The following GRM7 variants were observed in gnomAD, a reference collection of about 807,000 sequenced individuals.
The protein encoded by GRM7 is metabotropic glutamate receptor 7.
Under a neutral mutation model 84.5 loss-of-function variants are expected in GRM7, and 35 were observed. The ratio of observed to expected loss-of-function variants is 0.41; its 90% CI spans 0.32 to 0.55. The LOEUF is 0.55. GRM7 is among the 20% of genes least tolerant of loss of function. The pLI, the probability that GRM7 is intolerant of heterozygous loss-of-function variation, is 0.19. For missense variants in GRM7, 1,003 were observed against 1,194.6 expected (o/e 0.84, Z 2.36); for synonymous variants, 487 against 455.1 (o/e 1.07, Z -0.89).
At chr3:6,923,234 C>T (rs749465425) in intron 1 of GRM7, among the ~76,000 whole-genome samples, 25 of 152,032 alleles carry the variant, frequency 1.6e-4, no homozygotes, top group African/African-American at 2.9e-4. Context: ...AGGCTGGTCT[C>T]GGACTTCTGA....
chr3:7,022,652 G>A (rs1302747881), intron 1 of GRM7, among the ~76,000 whole-genome samples: 4 of 152,118 alleles, frequency 2.6e-5, no homozygotes, highest in Non-Finnish European at 5.9e-5. Flanking sequence ...CATTGTAAAT[G>A]CAATTGTAAA....
chr3:7,083,169 C>T (rs9851388), intron 1 of GRM7, among the ~76,000 whole-genome samples: 70,327 of 151,906 alleles, frequency 0.46, 17,615 homozygotes, highest in African/African-American at 0.67. Context: ...GAAGACTTCA[C>T]TGTTGCCTTA....
intron 2 of GRM7, among the ~76,000 whole-genome samples, chr3:7,295,090 G>A (rs987374045): frequency 5.3e-5 from 8 of 152,054 alleles, no homozygotes; most frequent in African/African-American, 1.9e-4. Flanking sequence ...CAAACCCAAG[G>A]TCATATTGAT....
chr3:7,443,946 TAACA>T (rs1240393727), intron 5 of GRM7, among the ~76,000 whole-genome samples: 2 of 152,108 alleles, frequency 1.3e-5, no homozygotes, highest in African/African-American at 4.8e-5. Flanking sequence ...TTTTCCAAAC[TAACA>T]AACAAAAAAC....
At chr3:7,468,649 C>G (rs1645148585) in intron 7 of GRM7, among the ~76,000 whole-genome samples, 1 of 152,112 alleles carries the variant, frequency 6.6e-6, no homozygotes, top group South Asian at 2.1e-4. Flanking sequence ...ATTATAATCC[C>G]CATGTGTTGA....
chr3:7,076,720 G>A (rs986350759), intron 1 of GRM7, among the ~76,000 whole-genome samples: 1 of 152,094 alleles, frequency 6.6e-6, no homozygotes, highest in South Asian at 2.1e-4. Flanking sequence ...AGATCATGAA[G>A]CTATTAGGTA....
intron 3 of GRM7, among the ~76,000 whole-genome samples, chr3:7,305,107 C>G (rs1333552013): frequency 6.6e-6 from 1 of 152,064 alleles, no homozygotes; most frequent in Non-Finnish European, 1.5e-5. Context: ...GTGACAAACC[C>G]CTAGTTCCCA....
intron 8 of GRM7, among the ~76,000 whole-genome samples, chr3:7,664,186 G>C (rs1343676308): frequency 6.6e-6 from 1 of 152,130 alleles, no homozygotes; most frequent in East Asian, 1.9e-4. Flanking sequence ...TCTTTCCTAT[G>C]GAGTTCAGTG....
intron 8 of GRM7, among the ~76,000 whole-genome samples, chr3:7,610,129 G>A (rs1181556789): frequency 6.6e-6 from 1 of 152,148 alleles, no homozygotes; most frequent in Non-Finnish European, 1.5e-5. Context: ...TAGGGCGCTT[G>A]GAAGAATTCT....
At chr3:7,319,974 A>T (rs1399377892) in intron 4 of GRM7, among the ~76,000 whole-genome samples, 4 of 152,178 alleles carry the variant, frequency 2.6e-5, no homozygotes, top group Admixed American at 2.6e-4. Context: ...CTATCACACC[A>T]GATAGATTCT....
chr3:7,547,374 T>G (rs903339875), intron 7 of GRM7, among the ~76,000 whole-genome samples: 1 of 151,848 alleles, frequency 6.6e-6, no homozygotes, highest in Non-Finnish European at 1.5e-5. Context: ...GCCTGGCTAA[T>G]TTTTTGTATT....
intron 2 of GRM7, among the ~76,000 whole-genome samples, chr3:7,181,849 G>A (rs531571136): frequency 6.6e-6 from 1 of 152,178 alleles, no homozygotes; most frequent in African/African-American, 2.4e-5. Context: ...GAGCTCAAGC[G>A]ATCCTCCCTC....
At chr3:7,603,848 G>A (rs1048095833) in intron 8 of GRM7, among the ~76,000 whole-genome samples, 2 of 152,218 alleles carry the variant, frequency 1.3e-5, no homozygotes, top group Admixed American at 6.5e-5. Flanking sequence ...TGAGAACACA[G>A]GAGGATGTTA....
rs148593633 is a variant in GRM7, at chr3:6,909,153, G to A, written c.519+47246G>A. On this transcript the variant is annotated intron_variant, in intron 1 of 9. Transcript: ENST00000357716. ...TGTTATGGACATACAAGAACATGACGTCTGATTTACCTGTCTCTTCATAAA... is the reference window on the plus strand; with the variant it reads ...TGTTATGGACATACAAGAACATGACATCTGATTTACCTGTCTCTTCATAAA... Among the ~76,000 whole-genome samples the A allele has an allele frequency of 2.4e-4, 37 of 152,174 alleles. No homozygotes were observed. In the East Asian group the frequency reaches 6.6e-3, roughly 27 times the overall value.
rs1699898758 is a variant in GRM7, at chr3:7,298,751, T to C, written c.804T>C (p.Asp268=). 3.7e-6 allele frequency: 6 copies of C among 1,613,630 alleles called. No homozygotes were observed. The highest frequency in any genetic ancestry group is 1.7e-4 in the Middle Eastern group (1 of 6,060). ...QERKDRTIDF[D]RIIKQLLDTP... The stretch of plus-strand genomic sequence containing the variant: ...GCAAAGACAGGACCATTGACTTTGA[T>C]AGAATTATCAAACAGCTCCTGGACA... The change falls in exon 3 of 10, where the codon GAT becomes GAC. Residue 268 remains aspartate (D), a synonymous_variant. Coordinates refer to ENST00000357716, the MANE Select transcript of GRM7 (RefSeq NM_000844.4).
At chr3:6,906,795 T>C (rs1574998896) in intron 1 of GRM7, among the ~76,000 whole-genome samples, 1 of 152,160 alleles carries the variant, frequency 6.6e-6, no homozygotes, top group Admixed American at 6.5e-5. Flanking sequence ...TGAAAGTATC[T>C]CCAGGGTTGA....
At chr3:7,532,587 A>AT (rs1160094028) in intron 7 of GRM7, among the ~76,000 whole-genome samples, 2 of 151,840 alleles carry the variant, frequency 1.3e-5, no homozygotes, top group East Asian at 1.9e-4. Context: ...GGGCTCATTG[A>AT]TTTTTTAAAG....
chr3:7,351,254 A>T (rs1693126877), intron 4 of GRM7, among the ~76,000 whole-genome samples: 1 of 150,782 alleles, frequency 6.6e-6, no homozygotes, highest in Non-Finnish European at 1.5e-5. Context: ...GAGAACACAA[A>T]CATAGCAGGG....
chr3:7,412,098 T>C (rs895930356), intron 4 of GRM7, among the ~76,000 whole-genome samples: 1 of 152,056 alleles, frequency 6.6e-6, no homozygotes. Context: ...AATTGCTTCA[T>C]TCACTGATTC....
Sources: allele counts gnomAD v4.1 joint callset (sites outside exome capture counted in the v4.1 genomes callset), GRCh38; gene constraint gnomAD v4.1.1; transcripts MANE v1.5; gene names NCBI Gene and HGNC (gene_info 2026-07-23, HGNC 2026-07-21).